The following ESRRG variants were observed in gnomAD, a reference collection of about 807,000 sequenced individuals.
ESRRG encodes the protein estrogen related receptor gamma.
Under a neutral mutation model 44.0 loss-of-function variants are expected in ESRRG, and 13 were observed. That is an observed-to-expected ratio of 0.30 (90% CI 0.19 to 0.47). The LOEUF is 0.47. ESRRG is among the 20% of genes least tolerant of loss of function. The pLI is 1.00. For synonymous variants in ESRRG, 215 were observed against 214.6 expected (o/e 1.00, Z -0.02); for missense variants, 395 against 580.6 (o/e 0.68, Z 3.29).
chr1:216,617,468 T>G (rs2061571272), intron 3 of ESRRG, among the ~76,000 whole-genome samples: 1 of 150,378 alleles, frequency 6.6e-6, no homozygotes, highest in African/African-American at 2.5e-5. Context: ...GCATATTAGA[T>G]GTAACATTTC....
At chr1:216,759,450 C>A (rs1368310258) in intron 2 of ESRRG, among the ~76,000 whole-genome samples, 1 of 152,042 alleles carries the variant, frequency 6.6e-6, no homozygotes, top group Non-Finnish European at 1.5e-5. Flanking sequence ...ACATGGTTTT[C>A]CCCCCATTCA....
At chr1:216,774,813 A>ATTTTT (rs2093536159) in intron 2 of ESRRG, among the ~76,000 whole-genome samples, 1 of 11,396 alleles carries the variant, frequency 8.8e-5, no homozygotes, top group Non-Finnish European at 1.5e-4. Context: ...TTTTTTTTTA[A>ATTTTT]GACAGAATCT....
At chr1:216,963,187 C>G (rs1414342301) in intron 1 of ESRRG, among the ~76,000 whole-genome samples, 1 of 151,974 alleles carries the variant, frequency 6.6e-6, no homozygotes, top group Non-Finnish European at 1.5e-5. Context: ...ACAGATTATC[C>G]CTGAGGAAAG....
At chr1:216,535,399 G>T (rs1039748980) in intron 5 of ESRRG, among the ~76,000 whole-genome samples, 2 of 152,066 alleles carry the variant, frequency 1.3e-5, no homozygotes, top group African/African-American at 4.8e-5. Context: ...AGCCTTTCCT[G>T]CATGAATGGA....
At position 216,548,623 on chromosome 1, in the gene ESRRG, G is replaced by A. The variant is rs562004058; in HGVS notation, c.862+15596C>T. Among the ~76,000 whole-genome samples, 60 of 152,062 alleles carry A rather than the reference G, an allele frequency of 3.9e-4. 1 individual carries two copies. The South Asian group carries it at 5.6e-3, about 14-fold the overall frequency. On this transcript the variant is annotated intron_variant, in intron 5 of 6. Transcript: ENST00000408911. ...CTCTACATTGTGCAAATCCAGCTGC[G>A]ATGTCATTTTCTTCAAGAAATCTAC... is the stretch of plus-strand genomic sequence containing the variant.
intron 1 of ESRRG, among the ~76,000 whole-genome samples, chr1:216,709,343 G>GTATATATATATATATATA (rs71163761): frequency 1.9e-4 from 28 of 145,392 alleles, no homozygotes; most frequent in African/African-American, 6.7e-4. Flanking sequence ...GTGTGTGTGT[G>GTATATATATATATATATA]TATATATATA....
At chr1:216,870,513 G>T (rs1468064546) in intron 2 of ESRRG, among the ~76,000 whole-genome samples, 1 of 151,766 alleles carries the variant, frequency 6.6e-6, no homozygotes, top group East Asian at 1.9e-4. Context: ...TACTCTTCTG[G>T]CCTCGTAAAA....
intron 3 of ESRRG, among the ~76,000 whole-genome samples, chr1:216,601,117 T>A (rs1331024868): frequency 6.6e-6 from 1 of 152,062 alleles, no homozygotes; most frequent in Non-Finnish European, 1.5e-5. Context: ...CAAGGCCGGC[T>A]TGGAACGCGG....
chr1:216,929,077 T>C (rs2062966633), intron 2 of ESRRG, among the ~76,000 whole-genome samples: 1 of 152,072 alleles, frequency 6.6e-6, no homozygotes, highest in African/African-American at 2.4e-5. Flanking sequence ...TATGTACACT[T>C]AGAAATGGCT....
intron 2 of ESRRG, among the ~76,000 whole-genome samples, chr1:216,928,618 G>A (rs1384171449): frequency 6.6e-6 from 1 of 152,044 alleles, no homozygotes; most frequent in African/African-American, 2.4e-5. Context: ...CCAGCTGCAT[G>A]CCACTGACCA....
chr1:216,580,947 T>G (rs1045308790), intron 3 of ESRRG, among the ~76,000 whole-genome samples: 1 of 152,202 alleles, frequency 6.6e-6, no homozygotes, highest in Admixed American at 6.5e-5. Context: ...GCAAATAAAG[T>G]GCCCATGTTT....
At chr1:216,739,677 T>G (rs2090421391) in intron 2 of ESRRG, among the ~76,000 whole-genome samples, 1 of 152,212 alleles carries the variant, frequency 6.6e-6, no homozygotes, top group African/African-American at 2.4e-5. Context: ...TGTTCGAGTT[T>G]GAGACCCACT....
intron 5 of ESRRG, among the ~76,000 whole-genome samples, chr1:216,552,591 T>G (rs937400659): frequency 2.6e-5 from 4 of 152,154 alleles, no homozygotes; most frequent in African/African-American, 9.7e-5. Flanking sequence ...AACCCCAACT[T>G]ATATATGGGC....
At chr1:216,653,730 G>A (rs2069615837) in intron 2 of ESRRG, among the ~76,000 whole-genome samples, 1 of 152,076 alleles carries the variant, frequency 6.6e-6, no homozygotes, top group African/African-American at 2.4e-5. Flanking sequence ...ATCATATCCA[G>A]ACAGATAATA....
intron 1 of ESRRG, among the ~76,000 whole-genome samples, chr1:216,715,879 G>A (rs1559377731): frequency 6.6e-6 from 1 of 151,856 alleles, no homozygotes; most frequent in Non-Finnish European, 1.5e-5. Flanking sequence ...AATCTTTCTA[G>A]AGTAGATGAA....
At chr1:216,531,350 C>A (rs893763165) in intron 5 of ESRRG, among the ~76,000 whole-genome samples, 1 of 152,062 alleles carries the variant, frequency 6.6e-6, no homozygotes, top group Non-Finnish European at 1.5e-5. Context: ...TTTTTCTCTG[C>A]GGCTAATGAA....
At chr1:216,799,705 G>T (rs558822043) in intron 2 of ESRRG, among the ~76,000 whole-genome samples, 3 of 152,070 alleles carry the variant, frequency 2.0e-5, no homozygotes, top group East Asian at 3.9e-4. Context: ...ATCAGTAAAA[G>T]GTTTGCAAAA....
chr1:216,810,194 C>T (rs1335192515), intron 2 of ESRRG, among the ~76,000 whole-genome samples: 2 of 152,146 alleles, frequency 1.3e-5, no homozygotes, highest in African/African-American at 2.4e-5. Flanking sequence ...GTTCTTTCCC[C>T]ACACCTGCAC....
intron 2 of ESRRG, among the ~76,000 whole-genome samples, chr1:216,898,633 T>A (rs569252169): frequency 7.9e-5 from 12 of 151,984 alleles, no homozygotes; most frequent in South Asian, 4.2e-4. Flanking sequence ...ATAAATAAAT[T>A]AATTAATTAA....
Sources: gnomAD v4.1 joint callset for allele counts (sites outside exome capture counted in the v4.1 genomes callset) on GRCh38, gnomAD v4.1.1 for gene constraint, MANE v1.5 for transcripts, NCBI Gene and HGNC (gene_info 2026-07-23, HGNC 2026-07-21) for gene names.